Variants in TASP1 observed in about 807,000 individuals in gnomAD.
TASP1 encodes the protein threonine aspartase 1.
Under a neutral mutation model 56.6 loss-of-function variants are expected in TASP1, and 16 were observed. That is an observed-to-expected ratio of 0.28 (90% CI 0.19 to 0.43). The LOEUF (loss-of-function observed/expected upper bound fraction) is 0.43, where lower values mean the gene tolerates loss of function less well. TASP1 is among the 20% of genes least tolerant of loss of function. The probability of loss-of-function intolerance (pLI) is 1.00; values close to 1 mark genes in which losing one functional copy is unlikely to be tolerated. For missense variants in TASP1, 393 were observed against 511.6 expected (o/e 0.77, Z 2.24); for synonymous variants, 179 against 184.2 (o/e 0.97, Z 0.23).
At chr20:13,201,740 T>A in the TASP1 span, among the ~76,000 whole-genome samples, 1 of 151,676 alleles carries the variant, frequency 6.6e-6, no homozygotes, top group Non-Finnish European at 1.5e-5. Context: ...AATTGTGGGC[T>A]CTGAGATGGT....
intron 13 of TASP1, among the ~76,000 whole-genome samples, chr20:13,394,473 G>A (rs1040621389): frequency 4.6e-5 from 7 of 151,964 alleles, no homozygotes; most frequent in Non-Finnish European, 7.4e-5. Flanking sequence ...TTAGCCGGAC[G>A]TGGTGGCAGG....
the TASP1 span, among the ~76,000 whole-genome samples, chr20:13,198,816 T>G: frequency 5.0e-5 from 7 of 139,632 alleles, no homozygotes; most frequent in South Asian, 7.5e-4. Context: ...CTTTCTTTCT[T>G]TCTTTCTTTC....
At chr20:13,317,657 C>T in the TASP1 span, among the ~76,000 whole-genome samples, 4 of 152,142 alleles carry the variant, frequency 2.6e-5, no homozygotes, top group South Asian at 8.3e-4. Context: ...AGTCAGTTGA[C>T]CTTTGACAAG....
chr20:13,388,562 T>G (rs60768292), downstream of TASP1, among the ~76,000 whole-genome samples: 6,178 of 152,238 alleles, frequency 0.041, 391 homozygotes, highest in African/African-American at 0.14. Context: ...ATGAAAGAAG[T>G]GGCATTCCTG....
the TASP1 span, among the ~76,000 whole-genome samples, chr20:13,110,865 G>T: frequency 1.3e-5 from 2 of 152,064 alleles, no homozygotes; most frequent in Admixed American, 1.3e-4. Context: ...CTCCTATAAT[G>T]ATAGAAAAGT....
At chr20:13,151,467 C>T in the TASP1 span, among the ~76,000 whole-genome samples, 2 of 152,198 alleles carry the variant, frequency 1.3e-5, no homozygotes, top group African/African-American at 4.8e-5. Flanking sequence ...AACAATAAGC[C>T]GGATGCTCTC....
At chr20:13,344,300 C>T in the TASP1 span, among the ~76,000 whole-genome samples, 2 of 152,054 alleles carry the variant, frequency 1.3e-5, no homozygotes, top group Non-Finnish European at 2.9e-5. Context: ...CACACACACA[C>T]CCTCCTGCCT....
At chr20:13,274,674 C>A in the TASP1 span, among the ~76,000 whole-genome samples, 4 of 151,942 alleles carry the variant, frequency 2.6e-5, no homozygotes, top group Admixed American at 1.3e-4. Flanking sequence ...CTCCCCGCCC[C>A]CCCCGCGCCC....
chr20:13,464,955 GA>G (rs2044193369), intron 11 of TASP1, among the ~76,000 whole-genome samples: 1 of 151,842 alleles, frequency 6.6e-6, no homozygotes, highest in Non-Finnish European at 1.5e-5. Context: ...TTGAGGCCAG[GA>G]ATTCAAGACC....
At chr20:13,140,334 G>A in the TASP1 span, among the ~76,000 whole-genome samples, 5 of 152,044 alleles carry the variant, frequency 3.3e-5, no homozygotes, top group African/African-American at 1.2e-4. Context: ...GCTCTCCTTG[G>A]GTACTTTTGG....
At chr20:13,418,147 G>T (rs1383292927) in intron 12 of TASP1, among the ~76,000 whole-genome samples, 3 of 152,048 alleles carry the variant, frequency 2.0e-5, no homozygotes, top group African/African-American at 4.8e-5. Flanking sequence ...CCTGACCTCA[G>T]GTGATCCACC....
At chr20:13,559,944 C>A (rs1312087890) in intron 7 of TASP1, among the ~76,000 whole-genome samples, 1 of 152,082 alleles carries the variant, frequency 6.6e-6, no homozygotes, top group African/African-American at 2.4e-5. Flanking sequence ...GCAAAAATCT[C>A]AGATACTGGA....
the TASP1 span, among the ~76,000 whole-genome samples, chr20:13,185,658 T>C: frequency 2.0e-5 from 3 of 152,192 alleles, no homozygotes; most frequent in Non-Finnish European, 4.4e-5. Context: ...GAATTCTCTC[T>C]AAAATTTCAG....
At chr20:13,557,706 G>A (rs948398653) in intron 8 of TASP1, among the ~76,000 whole-genome samples, 5 of 147,000 alleles carry the variant, frequency 3.4e-5, no homozygotes, top group South Asian at 4.5e-4. Flanking sequence ...TCAGCCTCCC[G>A]AGTAGCTGAG....
the TASP1 span, among the ~76,000 whole-genome samples, chr20:13,195,066 A>G: frequency 1.3e-5 from 2 of 152,178 alleles, no homozygotes; most frequent in Admixed American, 6.5e-5. Context: ...TTCTTCTTCT[A>G]TAACATACGA....
Position 13,528,458 on chromosome 20 carries a change from G to A in TASP1, c.849C>T (p.Pro283=). The A allele has an allele frequency of 6.2e-7, 1 of 1,611,426 alleles. No individual in the cohort carries two copies. The highest frequency in any genetic ancestry group is 8.5e-7 in the Non-Finnish European group (1 of 1,178,504). ...CTGAGGTACTCACAGCTGTGGAGTA[G>A]GGGTTATGAGCTCCAGTATTTTCAG... ...CWAENTGAHN[P]YSTAVSTSGC... is the part of the protein sequence containing the mutation. The change falls in exon 10 of 14, where the codon CCC becomes CCT. Residue 283 remains proline (P), a synonymous_variant. Transcript: ENST00000337743.
At chr20:13,512,476 G>C (rs1480376430) in intron 10 of TASP1, among the ~76,000 whole-genome samples, 2 of 152,122 alleles carry the variant, frequency 1.3e-5, no homozygotes, top group African/African-American at 4.8e-5. Context: ...AAATTTGTTG[G>C]AGTTCTTTGT....
At chr20:13,357,622 T>C in the TASP1 span, among the ~76,000 whole-genome samples, 1 of 152,132 alleles carries the variant, frequency 6.6e-6, no homozygotes, top group African/African-American at 2.4e-5. Context: ...TAAAATACCA[T>C]ATAGCCCAGA....
At chr20:13,163,367 C>CA in the TASP1 span, among the ~76,000 whole-genome samples, 6,385 of 89,750 alleles carry the variant, frequency 0.071, 272 homozygotes, top group East Asian at 0.19. Flanking sequence ...GACGCTGTCT[C>CA]AAAAAAAAAA....
Sources: gnomAD v4.1 joint callset for allele counts (sites outside exome capture counted in the v4.1 genomes callset) on GRCh38, gnomAD v4.1.1 for gene constraint, MANE v1.5 for transcripts, NCBI Gene and HGNC (gene_info 2026-07-23, HGNC 2026-07-21) for gene names.